Variants in VEPH1 observed in about 807,000 individuals in gnomAD.
VEPH1 encodes ventricular zone expressed PH domain containing 1.
A neutral mutation model predicts 85.2 loss-of-function variants in VEPH1; 80 were observed. The observed-to-expected ratio is 0.94, with a 90% CI of 0.78 to 1.13. The LOEUF (loss-of-function observed/expected upper bound fraction) is 1.13. Ranked by LOEUF, VEPH1 falls within the 50% of genes most tolerant of loss-of-function variation. The pLI is 0.00. For synonymous variants in VEPH1, 297 were observed against 348.0 expected (o/e 0.85, Z 1.63); for missense variants, 955 against 980.5 (o/e 0.97, Z 0.35).
chr3:157,429,721 G>A (rs916145414), intron 4 of VEPH1, among the ~76,000 whole-genome samples: 3 of 152,168 alleles, frequency 2.0e-5, no homozygotes, highest in African/African-American at 7.2e-5. Flanking sequence ...ATTTTACTAT[G>A]AGCGTCTCCT....
intron 4 of VEPH1, among the ~76,000 whole-genome samples, chr3:157,444,852 A>T (rs1734422352): frequency 6.6e-6 from 1 of 152,230 alleles, no homozygotes; most frequent in Non-Finnish European, 1.5e-5. Flanking sequence ...ACTTGGGTTA[A>T]AAAAGTAGAA....
chr3:157,279,049 G>T (rs544005473), intron 12 of VEPH1, among the ~76,000 whole-genome samples: 1 of 152,236 alleles, frequency 6.6e-6, no homozygotes, highest in Admixed American at 6.5e-5. Flanking sequence ...AACTGATTTT[G>T]GGGTGCCTTA....
chr3:157,463,255 A>T (rs1414500777), intron 3 of VEPH1, among the ~76,000 whole-genome samples: 1 of 152,212 alleles, frequency 6.6e-6, no homozygotes, highest in African/African-American at 2.4e-5. Flanking sequence ...TTCCAGACTC[A>T]GGGGTCAATC....
At chr3:157,317,247 GT>G in intron 9 of VEPH1, 46 bp from the exon 10 acceptor site, 1 of 1,521,644 alleles carries the variant, frequency 6.6e-7, no homozygotes, top group Non-Finnish European at 8.8e-7. Context: ...TCTTTCCAGA[GT>G]TACACTTTAT....
intron 2 of VEPH1, among the ~76,000 whole-genome samples, chr3:157,494,972 A>G (rs191941895): frequency 6.6e-5 from 10 of 152,212 alleles, no homozygotes; most frequent in Admixed American, 2.6e-4. Flanking sequence ...CTGCTCTGCA[A>G]TTTTCAGAAT....
At chr3:157,306,809 C>T (rs768654687) in intron 11 of VEPH1, among the ~76,000 whole-genome samples, 1 of 151,874 alleles carries the variant, frequency 6.6e-6, no homozygotes, top group Non-Finnish European at 1.5e-5. Flanking sequence ...TTTTAGTGCA[C>T]CCTTCATCTA....
intron 11 of VEPH1, among the ~76,000 whole-genome samples, chr3:157,313,341 C>T (rs1720351047): frequency 6.6e-6 from 1 of 151,978 alleles, no homozygotes; most frequent in Non-Finnish European, 1.5e-5. Flanking sequence ...GCTGTAAAAT[C>T]TTTTCTATTT....
intron 6 of VEPH1, among the ~76,000 whole-genome samples, chr3:157,390,516 ATTTTG>A (rs905929959): frequency 6.6e-6 from 1 of 152,136 alleles, no homozygotes; most frequent in Non-Finnish European, 1.5e-5. Context: ...AAAACACCTC[ATTTTG>A]TTTTGTTTTG....
At chr3:157,388,574 G>A (rs1409747576) in intron 6 of VEPH1, among the ~76,000 whole-genome samples, 2 of 152,100 alleles carry the variant, frequency 1.3e-5, no homozygotes, top group African/African-American at 4.8e-5. Context: ...CTGTTCAATA[G>A]ACTCATATTG....
intron 7 of VEPH1, among the ~76,000 whole-genome samples, chr3:157,380,493 T>G (rs115910587): frequency 1.3e-5 from 2 of 152,350 alleles, no homozygotes; most frequent in Non-Finnish European, 2.9e-5. Flanking sequence ...TCATACAAAA[T>G]GACTTCTGTT....
At chr3:157,405,135 T>C (rs1332021121) in intron 6 of VEPH1, among the ~76,000 whole-genome samples, 3 of 152,104 alleles carry the variant, frequency 2.0e-5, no homozygotes, top group African/African-American at 7.2e-5. Flanking sequence ...TGGAGTTTGA[T>C]CCTGGTCTTG....
intron 4 of VEPH1, chr3:157,437,659 G>A: frequency 6.5e-7 from 1 of 1,542,230 alleles, no homozygotes; most frequent in Admixed American, 2.0e-5. Flanking sequence ...GGAGGAGCTG[G>A]GCCGGCTCGC....
chr3:157,402,776 A>G (rs909496398), intron 6 of VEPH1, among the ~76,000 whole-genome samples: 2 of 152,194 alleles, frequency 1.3e-5, no homozygotes, highest in African/African-American at 4.8e-5. Context: ...TTACTTAGCA[A>G]GAAATAAACT....
intron 9 of VEPH1, among the ~76,000 whole-genome samples, chr3:157,344,413 A>G (rs1430429592): frequency 6.6e-5 from 10 of 152,152 alleles, no homozygotes; most frequent in African/African-American, 2.4e-4. Flanking sequence ...AATCATGAGT[A>G]AACTCCCATT....
In VEPH1 at chr3:157,436,915, A is replaced by T. The variant is rs969441673; in HGVS notation, c.530-8427T>A. 6 of 1,610,740 alleles carry T rather than the reference A, an allele frequency of 3.7e-6. No homozygotes were observed. In the East Asian group the frequency reaches 1.3e-4, roughly 36 times the overall value. Reference sequence around the variant, plus strand: ...TCTCCTCCCGCCAGCTGTGGAAAGAACTTTGCGTCTCTCCAGCAATGCATC... The same window carrying T: ...TCTCCTCCCGCCAGCTGTGGAAAGATCTTTGCGTCTCTCCAGCAATGCATC... On this transcript the variant is annotated intron_variant, in intron 4 of 13. Coordinates refer to ENST00000362010, the MANE Select transcript of VEPH1 (RefSeq NM_001167912.2).
chr3:157,394,184 T>C (rs116542299), intron 6 of VEPH1, among the ~76,000 whole-genome samples: 85 of 152,338 alleles, frequency 5.6e-4, no homozygotes, highest in African/African-American at 2.0e-3. Context: ...CTGTTCAAAA[T>C]GTCAATACAT....
At chr3:157,368,067 C>G (rs1363009535) in intron 7 of VEPH1, among the ~76,000 whole-genome samples, 2 of 152,160 alleles carry the variant, frequency 1.3e-5, no homozygotes, top group Non-Finnish European at 2.9e-5. Flanking sequence ...ATCAGTTTCA[C>G]CATCTATAAA....
chr3:157,413,714 T>A, intron 6 of VEPH1, 167 bp downstream of exon 6: 1 of 945,130 alleles, frequency 1.1e-6, no homozygotes, highest in Non-Finnish European at 1.3e-6. Flanking sequence ...AATTTGTATG[T>A]CATAGAACTC....
At chr3:157,440,947 T>TGCTTAA (rs1734072323) in intron 4 of VEPH1, among the ~76,000 whole-genome samples, 2 of 152,192 alleles carry the variant, frequency 1.3e-5, no homozygotes, top group South Asian at 4.1e-4. Flanking sequence ...AAATAGTAAT[T>TGCTTAA]ATAAGCATGT....
Sources: gnomAD v4.1 joint callset for allele counts (sites outside exome capture counted in the v4.1 genomes callset) on GRCh38, gnomAD v4.1.1 for gene constraint, MANE v1.5 for transcripts, NCBI Gene and HGNC (gene_info 2026-07-23, HGNC 2026-07-21) for gene names.